Variants in PLEKHA6 observed in about 807,000 individuals in gnomAD.
PLEKHA6 encodes the protein pleckstrin homology domain containing A6.
In PLEKHA6, 60 loss-of-function variants were observed where a neutral mutation model predicts 116.7. The ratio of observed to expected loss-of-function variants is 0.51; its 90% CI spans 0.42 to 0.64. PLEKHA6 has a LOEUF of 0.64. Ranked by LOEUF, PLEKHA6 falls within the 30% of genes least tolerant of loss-of-function variation. The probability of loss-of-function intolerance (pLI) is 0.00; values close to 1 mark genes in which losing one functional copy is unlikely to be tolerated. For missense variants in PLEKHA6, 1,338 were observed against 1,422.7 expected, an observed-to-expected ratio of 0.94 and a Z score of 0.96; for synonymous variants, 489 against 556.1, an observed-to-expected ratio of 0.88 and a Z score of 1.70.
At chr1:204,285,668 G>A (rs1408790146) in intron 1 of PLEKHA6, among the ~76,000 whole-genome samples, 1 of 152,112 alleles carries the variant, frequency 6.6e-6, no homozygotes, top group African/African-American at 2.4e-5. Flanking sequence ...GTAGAGACAC[G>A]GTCTCGCCGT....
rs368372482 is a variant in PLEKHA6, at chr1:204,358,413, G to A, written c.-95+1281C>T. Among the ~76,000 whole-genome samples, 6 of 152,288 alleles carry A rather than the reference G, an allele frequency of 3.9e-5. No individual in the cohort carries two copies. The East Asian group carries it at 5.8e-4, about 15-fold the overall frequency. ...CAGCTGCTCGGGGGTGAAAGCTGGC[G>A]ACTGAACCGTCCTAGCCACAGGAGC... On this transcript the variant is annotated intron_variant, in intron 1 of 22. Coordinates refer to ENST00000272203, the MANE Select transcript of PLEKHA6 (RefSeq NM_014935.5).
rs552142811 is a variant in PLEKHA6 at position 204,282,555 on chromosome 1, G to A, written c.-94-7746C>T. Reference sequence around the variant, plus strand: ...AAAGAGTTAATGCCTGGCACCACAGGGCCCTCCAAGACTCCAGGCCAGCAT... The same window carrying A: ...AAAGAGTTAATGCCTGGCACCACAGAGCCCTCCAAGACTCCAGGCCAGCAT... On this transcript the variant is annotated intron_variant, in intron 1 of 22. Coordinates refer to ENST00000272203, the MANE Select transcript of PLEKHA6 (RefSeq NM_014935.5). The A allele has an allele frequency of 1.2e-5, 9 of 732,814 alleles. No individual in the cohort carries two copies. The South Asian group carries it at 2.5e-4, about 20-fold the overall frequency. 45.4% of individuals were successfully genotyped at this position (732,814 alleles called of 1,614,324 possible).
At chr1:204,268,598 G>T (rs1484031009) in intron 3 of PLEKHA6, among the ~76,000 whole-genome samples, 1 of 145,620 alleles carries the variant, frequency 6.9e-6, no homozygotes. Flanking sequence ...TTTTTTGGAG[G>T]TGAAAATAAT....
At chr1:204,331,284 C>T (rs552273486) in intron 1 of PLEKHA6, among the ~76,000 whole-genome samples, 2 of 151,916 alleles carry the variant, frequency 1.3e-5, no homozygotes, top group South Asian at 2.1e-4. Context: ...TGCCTTTCTG[C>T]CTGCATTAGG....
At chr1:204,311,999 T>C (rs1446635610) in intron 1 of PLEKHA6, among the ~76,000 whole-genome samples, 1 of 152,230 alleles carries the variant, frequency 6.6e-6, no homozygotes, top group Admixed American at 6.5e-5. Context: ...CAGTGCTGGA[T>C]AGATGCTTTA....
intron 1 of PLEKHA6, among the ~76,000 whole-genome samples, chr1:204,336,777 C>T (rs773976885): frequency 6.6e-6 from 1 of 152,230 alleles, no homozygotes; most frequent in Non-Finnish European, 1.5e-5. Context: ...ATTTGTCAAA[C>T]TCCAGGCATC....
chr1:204,255,808 CT>C (rs1420138716), intron 9 of PLEKHA6: 1 of 647,972 alleles, frequency 1.5e-6, no homozygotes, highest in Non-Finnish European at 2.8e-6. Context: ...GCTTCTCCCT[CT>C]GCCCTTGAGG....
chr1:204,232,525 T>C (rs1431568255), intron 17 of PLEKHA6, among the ~76,000 whole-genome samples: 1 of 152,036 alleles, frequency 6.6e-6, no homozygotes, highest in Non-Finnish European at 1.5e-5. Flanking sequence ...ACCCTTGAAA[T>C]ACAAAGGGGG....
intron 1 of PLEKHA6, among the ~76,000 whole-genome samples, chr1:204,292,255 G>A (rs1036325713): frequency 6.6e-6 from 1 of 152,154 alleles, no homozygotes; most frequent in Non-Finnish European, 1.5e-5. Flanking sequence ...ATCTCATTTG[G>A]TTCTTTTATG....
intron 1 of PLEKHA6, among the ~76,000 whole-genome samples, chr1:204,342,902 CCCG>C (rs1443860899): frequency 2.6e-5 from 4 of 152,148 alleles, no homozygotes; most frequent in African/African-American, 9.7e-5. Context: ...TTATTTTAGC[CCCG>C]TGTGGGTCAA....
chr1:204,230,351 TG>T, intron 18 of PLEKHA6, 61 bp downstream of exon 18: 1 of 1,346,472 alleles, frequency 7.4e-7, no homozygotes, highest in Non-Finnish European at 1.0e-6. Flanking sequence ...GGCCATGCCC[TG>T]GGAGTGGGCA....
intron 1 of PLEKHA6, chr1:204,307,768 C>A (rs1261090009): frequency 3.4e-6 from 2 of 587,666 alleles, no homozygotes; most frequent in Admixed American, 6.3e-5. Flanking sequence ...GCTAGCCCAG[C>A]GGAGCTGAGC....
At chr1:204,242,687 G>C (rs772142414) in intron 15 of PLEKHA6, among the ~76,000 whole-genome samples, 1 of 152,164 alleles carries the variant, frequency 6.6e-6, no homozygotes, top group Non-Finnish European at 1.5e-5. Context: ...GAAACCCAAC[G>C]AGGATACAAC....
intron 1 of PLEKHA6, among the ~76,000 whole-genome samples, chr1:204,288,255 A>G (rs1213577802): frequency 6.6e-6 from 1 of 152,166 alleles, no homozygotes; most frequent in Non-Finnish European, 1.5e-5. Flanking sequence ...TAACCCCTTC[A>G]GTGCTGGGTT....
In PLEKHA6 at chr1:204,248,968, C is replaced by T; in HGVS notation, c.1677G>A (p.Glu559=). 1 of 1,613,872 alleles carries T rather than the reference C, an allele frequency of 6.2e-7. No individual in the cohort carries two copies. The highest frequency in any genetic ancestry group is 8.5e-7 in the Non-Finnish European group (1 of 1,179,890). ...TCCCCATCAAGGCACTTTCCAGGCT[C>T]TCCTGAAGAAAGGCAGGGGAATGAC... ...RLVQQLRAEK[E]SLESALMGTH... Residue 559 remains glutamate (E), a splice_region_variant and synonymous_variant, in exon 12 of 23, where the codon GAG becomes GAA. Coordinates refer to ENST00000272203, the MANE Select transcript of PLEKHA6 (RefSeq NM_014935.5).
At chr1:204,235,550 A>C (rs1337775499) in intron 17 of PLEKHA6, among the ~76,000 whole-genome samples, 4 of 152,204 alleles carry the variant, frequency 2.6e-5, no homozygotes, top group African/African-American at 7.2e-5. Flanking sequence ...AAACAGACAC[A>C]AGCTCTTATC....
At chr1:204,362,036 G>C (rs1438172645), upstream of PLEKHA6, among the ~76,000 whole-genome samples, 1 of 152,232 alleles carries the variant, frequency 6.6e-6, no homozygotes, top group Non-Finnish European at 1.5e-5. Flanking sequence ...AGAAGCCTGA[G>C]CCAGACATGT....
chr1:204,337,798 C>A (rs1672705135), intron 1 of PLEKHA6, among the ~76,000 whole-genome samples: 2 of 152,110 alleles, frequency 1.3e-5, no homozygotes, highest in Admixed American at 1.3e-4. Flanking sequence ...CCACAATAGT[C>A]ATATGTATGC....
At position 204,347,263 on chromosome 1, in the gene PLEKHA6, G is replaced by A. The variant is rs560242442; in HGVS notation, c.-95+12431C>T. Reference sequence around the variant, plus strand: ...CTTTCCCTTTGTATTCGTCATTTTGGCGAATTACTGGAAGATGGCAGTTAT... The same window carrying A: ...CTTTCCCTTTGTATTCGTCATTTTGACGAATTACTGGAAGATGGCAGTTAT... On this transcript the variant is annotated intron_variant, in intron 1 of 22. Transcript: ENST00000272203. 5.0e-6 allele frequency: 5 copies of A among 991,596 alleles called. No homozygotes were observed. In the Admixed American group the frequency reaches 5.1e-5, roughly 10 times the overall value. The allele number at this position is 991,596 out of a possible 1,614,324, so 61.4% of individuals were successfully genotyped here.
Sources: allele counts gnomAD v4.1 joint callset (sites outside exome capture counted in the v4.1 genomes callset), GRCh38; gene constraint gnomAD v4.1.1; transcripts MANE v1.5; gene names NCBI Gene and HGNC (gene_info 2026-07-23, HGNC 2026-07-21).